VAV2: variants seen among roughly 807,000 people sequenced by gnomAD.
VAV2 encodes the protein guanine nucleotide exchange factor VAV2.
A neutral mutation model predicts 132.5 loss-of-function variants in VAV2; 67 were observed. The observed-to-expected ratio is 0.51, with a 90% confidence interval of 0.42 to 0.62. The LOEUF (loss-of-function observed/expected upper bound fraction) is 0.62, where lower values mean the gene tolerates loss of function less well. Among genes scored for constraint, VAV2 ranks in the 20% least tolerant of loss-of-function variants. The pLI, the probability that VAV2 is intolerant of heterozygous loss-of-function variation, is 0.00. For missense variants in VAV2, 938 were observed against 1,153.6 expected (o/e 0.81, Z 2.71); for synonymous variants, 492 against 443.5 (o/e 1.11, Z -1.37).
chr9:133,942,709 C>G (rs1465476184), intron 1 of VAV2, among the ~76,000 whole-genome samples: 3 of 152,222 alleles, frequency 2.0e-5, no homozygotes, highest in Non-Finnish European at 4.4e-5. Context: ...AGGATGGGCC[C>G]AGCGCACCCC....
intron 29 of VAV2, among the ~76,000 whole-genome samples, chr9:133,766,683 C>A (rs1367388788): frequency 6.7e-6 from 1 of 149,490 alleles, no homozygotes; most frequent in Non-Finnish European, 1.5e-5. Context: ...GTGCAGCACA[C>A]CAACATGGCA....
intron 2 of VAV2, among the ~76,000 whole-genome samples, chr9:133,890,804 C>G (rs571068832): frequency 6.6e-6 from 1 of 152,118 alleles, no homozygotes; most frequent in African/African-American, 2.4e-5. Flanking sequence ...GGAAGCCGCA[C>G]GCTGGTGACG....
rs1464727899 is a variant in VAV2, at chr9:133,918,350, G to T, written c.321+20753C>A. 6.8e-6 allele frequency among the ~76,000 whole-genome samples: 1 copy of T among 147,064 alleles called. No individual in the cohort carries two copies. Among genetic ancestry groups the T allele is most frequent in the Non-Finnish European group, 1.5e-5 (1 of 67,724 alleles). ...TCCGAGCCTTGTGTCTGCATTTCCCGCACTTTCATCTGCTGGTCCGGACCC... is the reference window on the plus strand; with the variant it reads ...TCCGAGCCTTGTGTCTGCATTTCCCTCACTTTCATCTGCTGGTCCGGACCC... On this transcript the variant is annotated intron_variant, in intron 2 of 29. Transcript: ENST00000371850. This position sits in a 1 kb window ranked among gnomAD's most constrained non-coding sequence, Gnocchi z 4.7.
Position 133,826,364 on chromosome 9 carries a change from G to A in VAV2, c.449+7908C>T, listed in dbSNP as rs931239669. ...GGCCCCAGAATCTCCCTCCCCGCTC[G>A]CACTCAGGGGCAGCTCTCCCTTCAA... is the stretch of plus-strand genomic sequence containing the variant. On this transcript the variant is annotated intron_variant, in intron 4 of 29. Transcript: ENST00000371850. This position sits in a 1 kb window ranked among gnomAD's most constrained non-coding sequence, Gnocchi z 4.2. 2.0e-5 allele frequency among the ~76,000 whole-genome samples: 3 copies of A among 152,190 alleles called. No individual in the cohort carries two copies. Among genetic ancestry groups the A allele is most frequent in the Admixed American group, 6.5e-5 (1 of 15,286 alleles).
intron 1 of VAV2, 96 bp from the exon 2 acceptor site, chr9:133,939,315 C>T (rs1227242287): frequency 1.6e-5 from 17 of 1,084,198 alleles, no homozygotes; most frequent in East Asian, 1.4e-4. Flanking sequence ...CTCTGGCTTC[C>T]GTGCGCCAGC....
At chr9:133,810,262 C>T in intron 5 of VAV2, 57 bp from the exon 6 acceptor site, 1 of 1,610,182 alleles carries the variant, frequency 6.2e-7, no homozygotes, top group Non-Finnish European at 8.5e-7. Flanking sequence ...CCACACTGTC[C>T]TGGCAAGCTG....
At chr9:133,976,633 CCT>C (rs888841765) in intron 1 of VAV2, among the ~76,000 whole-genome samples, 9 of 152,238 alleles carry the variant, frequency 5.9e-5, no homozygotes, top group African/African-American at 1.9e-4. Flanking sequence ...CCCCCAAGCC[CCT>C]GAGAACTCTC....
rs1165607676 is a variant in VAV2 at position 133,991,711 on chromosome 9, C to A, written c.204+364G>T. ...GCCCAAGGATGCGACCCACGACGCG[C>A]ACACCCGGCTCGGCAGGCTCCCTGG... On this transcript the variant is annotated intron_variant, in intron 1 of 29. Coordinates refer to ENST00000371850, the MANE Select transcript of VAV2 (RefSeq NM_001134398.2). This position sits in a 1 kb window ranked among gnomAD's most constrained non-coding sequence, Gnocchi z 4.8. Among the ~76,000 whole-genome samples, 3 of 151,450 alleles carry A rather than the reference C, an allele frequency of 2.0e-5. No homozygotes were observed. The highest frequency in any genetic ancestry group is 4.4e-5 in the Non-Finnish European group (3 of 67,786).
chr9:133,839,964 A>G (rs1836651929), intron 3 of VAV2, among the ~76,000 whole-genome samples: 1 of 152,172 alleles, frequency 6.6e-6, no homozygotes, highest in Non-Finnish European at 1.5e-5. Flanking sequence ...TCATTTTGCA[A>G]CAAGGCCTAG....
At position 133,918,300 on chromosome 9, in the gene VAV2, CA is replaced by C. The variant is rs1840173093; in HGVS notation, c.321+20802del. ...TCTCTGCGGCGGCAGAAAAGCGAAC[CA>C]GAGAGCAGGAAGGCGGCGCTGGCTC... On this transcript the variant is annotated intron_variant, in intron 2 of 29. Transcript: ENST00000371850. This position sits in a 1 kb window ranked among gnomAD's most constrained non-coding sequence, Gnocchi z 4.7. Among the ~76,000 whole-genome samples the C allele has an allele frequency of 6.6e-6, 1 of 151,158 alleles. No individual in the cohort carries two copies. The highest frequency in any genetic ancestry group is 2.5e-5 in the African/African-American group (1 of 40,670).
At chr9:133,871,440 TGATGGATG>T (rs1168624120) in intron 2 of VAV2, among the ~76,000 whole-genome samples, 3 of 138,276 alleles carry the variant, frequency 2.2e-5, no homozygotes, top group Admixed American at 1.4e-4. Context: ...ATGGATTGAT[TGATGGATG>T]GATGGATGGA....
intron 1 of VAV2, among the ~76,000 whole-genome samples, chr9:133,940,688 T>TGC (rs1588146637): frequency 2.9e-4 from 19 of 65,978 alleles, no homozygotes; most frequent in East Asian, 7.1e-4. Flanking sequence ...TGTGTGTGTG[T>TGC]GTGTGTGTGT....
At chr9:133,950,140 G>T (rs112515101) in intron 1 of VAV2, among the ~76,000 whole-genome samples, 1 of 152,310 alleles carries the variant, frequency 6.6e-6, no homozygotes, top group African/African-American at 2.4e-5. Flanking sequence ...CACTCTGGCT[G>T]CCCAGCAACC....
At chr9:133,977,824 G>A (rs1842562157) in intron 1 of VAV2, among the ~76,000 whole-genome samples, 1 of 152,200 alleles carries the variant, frequency 6.6e-6, no homozygotes, top group Non-Finnish European at 1.5e-5. Context: ...AGGTCAAGGG[G>A]GCAGCACCTG....
intron 1 of VAV2, among the ~76,000 whole-genome samples, chr9:133,972,572 A>C (rs1443243464): frequency 6.6e-6 from 1 of 152,202 alleles, no homozygotes; most frequent in African/African-American, 2.4e-5. Context: ...CCCCCTGAGA[A>C]ACATCTCCTT....
intron 1 of VAV2, among the ~76,000 whole-genome samples, chr9:133,943,725 G>A (rs1019650373): frequency 1.3e-5 from 2 of 152,198 alleles, no homozygotes; most frequent in Non-Finnish European, 2.9e-5. Flanking sequence ...CACAGCCCCA[G>A]ACTGCAGGGA....
chr9:133,973,560 G>A (rs1842409568), intron 1 of VAV2, among the ~76,000 whole-genome samples: 1 of 152,182 alleles, frequency 6.6e-6, no homozygotes, highest in Non-Finnish European at 1.5e-5. Context: ...GAGACCCAAA[G>A]AAGCTGGCGC....
rs540792160 is a variant in VAV2, at chr9:133,883,837, T to C, written c.322-22405A>G. Among the ~76,000 whole-genome samples, 10 of 152,288 alleles carry C rather than the reference T, an allele frequency of 6.6e-5. No individual in the cohort carries two copies. In the South Asian group the frequency reaches 1.0e-3, roughly 16 times the overall value. On this transcript the variant is annotated intron_variant, in intron 2 of 29. Coordinates refer to ENST00000371850, the MANE Select transcript of VAV2 (RefSeq NM_001134398.2). This position sits in a 1 kb window ranked among gnomAD's most constrained non-coding sequence, Gnocchi z 4.2. ...GTCCACAGGTGACTAGCAACTTTGC[T>C]TAAATTGATTCTAGTAGGCCCGGTG...
chr9:133,839,444 C>A (rs991576051), intron 3 of VAV2, among the ~76,000 whole-genome samples: 2 of 150,376 alleles, frequency 1.3e-5, no homozygotes, highest in Non-Finnish European at 2.9e-5. Flanking sequence ...AAATTAGATA[C>A]GAGGAAGTTT....
Sources: gnomAD v4.1 joint callset for allele counts (sites outside exome capture counted in the v4.1 genomes callset) on GRCh38, gnomAD v4.1.1 for gene constraint, Gnocchi (gnomAD v3.1) non-coding constraint, MANE v1.5 for transcripts, NCBI Gene and HGNC (gene_info 2026-07-23, HGNC 2026-07-21) for gene names.